The following CFAP61 variants were observed in gnomAD, a reference collection of about 807,000 sequenced individuals.
CFAP61 encodes cilia and flagella associated protein 61, also known as cilia- and flagella-associated protein 61.
A neutral mutation model predicts 135.6 loss-of-function variants in CFAP61; 107 were observed. The observed-to-expected ratio is 0.79, with a 90% CI of 0.67 to 0.93. The LOEUF is 0.93. Among genes scored for constraint, CFAP61 ranks in the 40% least tolerant of loss-of-function variants. CFAP61 has a pLI of 0.00. For synonymous variants in CFAP61, 575 were observed against 578.5 expected, an observed-to-expected ratio of 0.99 and a Z score of 0.09; for missense variants, 1,507 against 1,556.2, an observed-to-expected ratio of 0.97 and a Z score of 0.53.
intron 8 of CFAP61, among the ~76,000 whole-genome samples, chr20:20,116,435 G>A (rs953992206): frequency 1.3e-5 from 2 of 152,072 alleles, no homozygotes; most frequent in Admixed American, 6.6e-5. Context: ...TTAACTCGAC[G>A]TAATGCCGCT....
At chr20:20,181,539 G>C (rs1282564572) in intron 13 of CFAP61, among the ~76,000 whole-genome samples, 1 of 152,034 alleles carries the variant, frequency 6.6e-6, no homozygotes, top group Non-Finnish European at 1.5e-5. Flanking sequence ...TTTGGGTGGG[G>C]CTTCATCACT....
chr20:20,120,459 C>A (rs1448861580), intron 8 of CFAP61, among the ~76,000 whole-genome samples: 1 of 151,900 alleles, frequency 6.6e-6, no homozygotes, highest in Non-Finnish European at 1.5e-5. Flanking sequence ...TTATTGATTT[C>A]TAGTTTTATT....
chr20:20,226,163 G>A (rs2048721238), intron 17 of CFAP61: 1 of 152,268 alleles, frequency 6.6e-6, no homozygotes, highest in Admixed American at 6.5e-5. Flanking sequence ...GTCATTTGCT[G>A]TGTGATTTTG....
intron 17 of CFAP61, among the ~76,000 whole-genome samples, chr20:20,204,846 C>T (rs1460478581): frequency 6.6e-6 from 1 of 152,178 alleles, no homozygotes; most frequent in East Asian, 1.9e-4. Flanking sequence ...CACTTTAAAT[C>T]ATCGCCATGA....
chr20:20,112,890 C>T (rs1198150980), intron 8 of CFAP61, among the ~76,000 whole-genome samples: 1 of 152,012 alleles, frequency 6.6e-6, no homozygotes, highest in African/African-American at 2.4e-5. Context: ...TTATGAATAT[C>T]TGTGGTTGTG....
intron 18 of CFAP61, among the ~76,000 whole-genome samples, chr20:20,234,856 A>C (rs2049457063): frequency 6.6e-6 from 1 of 152,056 alleles, no homozygotes; most frequent in Admixed American, 6.6e-5. Context: ...CAGTCTCCTC[A>C]CCTGTGCTGC....
intron 9 of CFAP61, among the ~76,000 whole-genome samples, chr20:20,155,847 C>T (rs1029840832): frequency 2.0e-5 from 3 of 151,968 alleles, no homozygotes; most frequent in Non-Finnish European, 2.9e-5. Flanking sequence ...CAAGCACTAT[C>T]GAAAACAGCA....
chr20:20,129,408 G>A (rs954441896), intron 8 of CFAP61, among the ~76,000 whole-genome samples: 3 of 151,738 alleles, frequency 2.0e-5, no homozygotes, highest in African/African-American at 7.3e-5. Context: ...CACCTGCCCT[G>A]TATGGTTTCT....
chr20:20,243,022 G>A (rs2050131551), intron 18 of CFAP61, among the ~76,000 whole-genome samples: 1 of 152,170 alleles, frequency 6.6e-6, no homozygotes, highest in African/African-American at 2.4e-5. Flanking sequence ...TGCTGATAAA[G>A]ACATACCTGA....
In CFAP61 at chr20:20,253,549, A is replaced by G. The variant is rs567222664; in HGVS notation, c.2328+1786A>G. The stretch of plus-strand genomic sequence containing the variant: ...AATCTACATGTAAACCCTTACGTTC[A>G]GCATGACTCTGCATTTTTAAGCATG... On this transcript the variant is annotated intron_variant, in intron 20 of 26. Transcript: ENST00000245957. The G allele has an allele frequency of 3.5e-5, 17 of 486,488 alleles. No individual in the cohort carries two copies. In the East Asian group the frequency reaches 8.8e-4, roughly 25 times the overall value. 30.1% of individuals were successfully genotyped at this position (486,488 alleles called of 1,614,324 possible).
chr20:20,140,669 A>G (rs1320208964), intron 8 of CFAP61, among the ~76,000 whole-genome samples: 2 of 151,988 alleles, frequency 1.3e-5, no homozygotes, highest in Non-Finnish European at 2.9e-5. Flanking sequence ...TTCCTCAGGG[A>G]TCTAGAACTA....
At chr20:20,266,288 G>C (rs752165027) in intron 21 of CFAP61, among the ~76,000 whole-genome samples, 40 of 152,184 alleles carry the variant, frequency 2.6e-4, no homozygotes, top group Admixed American at 8.5e-4. Context: ...TCATACTGCA[G>C]AAAGCCTAGT....
Position 20,359,103 on chromosome 20 carries a change from G to T in CFAP61, c.3514-1107G>T, listed in dbSNP as rs997327456. On this transcript the variant is annotated intron_variant, in intron 26 of 26. Transcript: ENST00000245957. The surrounding 1 kb of genome is among the most constrained non-coding windows in gnomAD (Gnocchi z 4.0). ...TGTTCAGTGGACAATTCTTCAACTT[G>T]TCTCTGAAAATTTTTATAATGAAAT... Among the ~76,000 whole-genome samples, 1 of 152,140 alleles carries T rather than the reference G, an allele frequency of 6.6e-6. No homozygotes were observed. Among genetic ancestry groups the T allele is most frequent in the Non-Finnish European group, 1.5e-5 (1 of 68,020 alleles).
chr20:20,288,605 G>C lies in CFAP61; in HGVS notation c.2797-4G>C. 1.9e-6 allele frequency: 3 copies of C among 1,608,386 alleles called. No homozygotes were observed. The highest frequency in any genetic ancestry group is 2.6e-6 in the Non-Finnish European group (3 of 1,174,990). ...GAATATTGCTGTAATTGTTCACTTC[G>C]TAGATGTTCTTCAGCTTCTGTGAGA... On this transcript the variant is annotated splice_region_variant and splice_polypyrimidine_tract_variant and intron_variant, in intron 22 of 26. Transcript: ENST00000245957.
chr20:20,164,156 G>A lies in CFAP61; in HGVS notation c.1133G>A (p.Arg378His), dbSNP rs199709884. 139 of 1,613,910 alleles carry A rather than the reference G, an allele frequency of 8.6e-5. No homozygotes were observed. Among genetic ancestry groups the A allele is most frequent in the Admixed American group, 1.2e-4 (7 of 59,998 alleles). The stretch of plus-strand genomic sequence containing the variant: ...CTGCCTGAAGAGCCCGTCCACTTCC[G>A]CCCCATCTACAGGGGAGCCTCAGCT... ...LVLPEEPVHF[R>H]PIYRGASAAF... The change falls in exon 11 of 27, where the codon CGC (arginine) becomes CAC (histidine). Residue 378 changes from arginine (R) to histidine (H), a missense_variant. Coordinates refer to ENST00000245957, the MANE Select transcript of CFAP61 (RefSeq NM_015585.4).
chr20:20,271,190 A>G (rs1481695150), intron 21 of CFAP61, among the ~76,000 whole-genome samples: 3 of 152,118 alleles, frequency 2.0e-5, no homozygotes, highest in African/African-American at 7.2e-5. Context: ...CAACTACTCA[A>G]GAGGCTGAGG....
intron 25 of CFAP61, among the ~76,000 whole-genome samples, chr20:20,341,255 C>T (rs150490499): frequency 6.6e-5 from 10 of 152,242 alleles, no homozygotes; most frequent in Admixed American, 2.6e-4. Flanking sequence ...AAAGGATAAT[C>T]TTATTGTTCT....
intron 17 of CFAP61, among the ~76,000 whole-genome samples, chr20:20,220,425 A>AATTATCGAACC (rs2048323766): frequency 6.6e-6 from 1 of 152,156 alleles, no homozygotes; most frequent in South Asian, 2.1e-4. Flanking sequence ...CATCCTAGCA[A>AATTATCGAACC]ATTATCGAAC....
intron 6 of CFAP61, among the ~76,000 whole-genome samples, chr20:20,082,114 C>A (rs1162892749): frequency 6.6e-6 from 1 of 152,216 alleles, no homozygotes; most frequent in African/African-American, 2.4e-5. Flanking sequence ...CTTTACAGAA[C>A]ATCAAATGGG....
Sources: allele counts gnomAD v4.1 joint callset (sites outside exome capture counted in the v4.1 genomes callset), GRCh38; gene constraint gnomAD v4.1.1; non-coding constraint Gnocchi (gnomAD v3.1); transcripts MANE v1.5; gene names NCBI Gene and HGNC (gene_info 2026-07-23, HGNC 2026-07-21).